Variants in ACTR3C observed in about 807,000 individuals in gnomAD.
The protein encoded by ACTR3C is actin-related protein 3C.
A neutral mutation model predicts 26.3 loss-of-function variants in ACTR3C; 18 were observed. The ratio of observed to expected loss-of-function variants is 0.68; its 90% CI spans 0.47 to 1.01. The LOEUF (loss-of-function observed/expected upper bound fraction) is 1.01. Among genes scored for constraint, ACTR3C ranks in the 50% least tolerant of loss-of-function variants. ACTR3C has a pLI of 0.00. For missense variants in ACTR3C, 184 were observed against 250.7 expected (o/e 0.73, Z 1.80); for synonymous variants, 55 against 94.5 (o/e 0.58, Z 2.42).
chr7:150,005,596 A>G, the ACTR3C span, among the ~76,000 whole-genome samples: 2,688 of 148,722 alleles, frequency 0.018, 54 homozygotes, highest in African/African-American at 0.055. Context: ...CCTATCTCCT[A>G]AGGCCATGTG....
chr7:150,059,193 C>T, the ACTR3C span, among the ~76,000 whole-genome samples: 3 of 152,208 alleles, frequency 2.0e-5, no homozygotes, highest in African/African-American at 7.2e-5. Flanking sequence ...ATGGCATAAG[C>T]ATGCTAAGAG....
the ACTR3C span, among the ~76,000 whole-genome samples, chr7:150,137,187 T>C: frequency 1.1e-4 from 17 of 152,284 alleles, no homozygotes; most frequent in East Asian, 3.1e-3. Flanking sequence ...TTCTGCTTTA[T>C]AGGAAAGAGT....
the ACTR3C span, among the ~76,000 whole-genome samples, chr7:149,981,988 C>T: frequency 1.3e-5 from 2 of 152,216 alleles, no homozygotes; most frequent in Non-Finnish European, 1.5e-5. Flanking sequence ...AGACCCATGG[C>T]TACAGCCAGC....
chr7:150,149,685 T>C, the ACTR3C span, among the ~76,000 whole-genome samples: 1 of 152,128 alleles, frequency 6.6e-6, no homozygotes, highest in Non-Finnish European at 1.5e-5. Context: ...TCCTTTTTGA[T>C]GGCTGCATAG....
the ACTR3C span, among the ~76,000 whole-genome samples, chr7:150,082,962 T>C: frequency 2.0e-5 from 3 of 147,402 alleles, no homozygotes; most frequent in African/African-American, 7.5e-5. Flanking sequence ...TTTTTTTTTT[T>C]CAGGACAAGG....
At chr7:149,983,788 T>C in the ACTR3C span, among the ~76,000 whole-genome samples, 7 of 152,146 alleles carry the variant, frequency 4.6e-5, no homozygotes, top group Non-Finnish European at 1.0e-4. Flanking sequence ...CAAATATTAT[T>C]TAGCCTTAAT....
the ACTR3C span, among the ~76,000 whole-genome samples, chr7:149,989,231 CA>C: frequency 1.3e-5 from 2 of 152,244 alleles, no homozygotes; most frequent in African/African-American, 4.8e-5. Flanking sequence ...TACATATACA[CA>C]TATGGAATGC....
At chr7:150,047,836 T>G in the ACTR3C span, 1 of 1,517,872 alleles carries the variant, frequency 6.6e-7, no homozygotes. Context: ...CCGGTGAACC[T>G]CTGGTACAGC....
At chr7:150,279,849 A>G (rs1478412998) in intron 6 of ACTR3C, among the ~76,000 whole-genome samples, 7 of 152,194 alleles carry the variant, frequency 4.6e-5, no homozygotes, top group African/African-American at 1.7e-4. Context: ...AGTGGTTCCC[A>G]TTAGAGTTAT....
At chr7:150,315,012 A>G (rs1796714304) in intron 1 of ACTR3C, among the ~76,000 whole-genome samples, 1 of 146,998 alleles carries the variant, frequency 6.8e-6, no homozygotes, top group Non-Finnish European at 1.5e-5. Context: ...ATTATTAAAT[A>G]ATAAAATAAT....
At chr7:150,047,004 C>T in the ACTR3C span, among the ~76,000 whole-genome samples, 1 of 151,974 alleles carries the variant, frequency 6.6e-6, no homozygotes, top group African/African-American at 2.4e-5. Context: ...AGGGTTGGGG[C>T]TCAGATGCCA....
chr7:150,273,408 G>A (rs111705105), intron 6 of ACTR3C, among the ~76,000 whole-genome samples: 1 of 151,162 alleles, frequency 6.6e-6, no homozygotes, highest in African/African-American at 2.4e-5. Context: ...CTCCCAAGTA[G>A]CTGGGACCAC....
the ACTR3C span, among the ~76,000 whole-genome samples, chr7:150,051,254 G>GGTTA: frequency 6.6e-6 from 1 of 152,038 alleles, no homozygotes; most frequent in Non-Finnish European, 1.5e-5. Flanking sequence ...AGAATAAAGT[G>GGTTA]GTTAGTATGT....
chr7:150,145,394 C>A, the ACTR3C span, among the ~76,000 whole-genome samples: 1 of 152,036 alleles, frequency 6.6e-6, no homozygotes, highest in African/African-American at 2.4e-5. Context: ...GAGCTTGTCA[C>A]TGGAGGTGGA....
At chr7:150,151,981 A>C in the ACTR3C span, among the ~76,000 whole-genome samples, 2 of 139,006 alleles carry the variant, frequency 1.4e-5, no homozygotes, top group Non-Finnish European at 3.2e-5. Context: ...ATTTTTGTAC[A>C]TTGATTTTGT....
chr7:150,016,271 C>A, the ACTR3C span, among the ~76,000 whole-genome samples: 1 of 152,106 alleles, frequency 6.6e-6, no homozygotes, highest in Non-Finnish European at 1.5e-5. Context: ...AGCCATAGCT[C>A]AAAATTCTGA....
the ACTR3C span, among the ~76,000 whole-genome samples, chr7:149,886,401 G>C: frequency 6.6e-6 from 1 of 152,110 alleles, no homozygotes; most frequent in South Asian, 2.1e-4. Context: ...TTTGGAGGAC[G>C]GGGGGAGGAA....
At chr7:149,943,659 C>T in the ACTR3C span, among the ~76,000 whole-genome samples, 18 of 152,112 alleles carry the variant, frequency 1.2e-4, 2 homozygotes, top group South Asian at 2.5e-3. Flanking sequence ...TGCAGTGAGC[C>T]GAGATCCCGC....
At chr7:150,196,783 T>C in the ACTR3C span, among the ~76,000 whole-genome samples, 2 of 152,226 alleles carry the variant, frequency 1.3e-5, no homozygotes, top group Non-Finnish European at 2.9e-5. Flanking sequence ...TTTATTTATG[T>C]TGAGTGTACC....
Sources: gnomAD v4.1 joint callset for allele counts (sites outside exome capture counted in the v4.1 genomes callset) on GRCh38, gnomAD v4.1.1 for gene constraint, MANE v1.5 for transcripts, NCBI Gene and HGNC (gene_info 2026-07-23, HGNC 2026-07-21) for gene names.